The following SYNDIG1 variants were observed in gnomAD, a reference collection of about 807,000 sequenced individuals.
SYNDIG1 encodes synapse differentiation inducing 1.
In SYNDIG1, 9 loss-of-function variants were observed where a neutral mutation model predicts 19.4. The ratio of observed to expected loss-of-function variants is 0.46; its 90% CI spans 0.28 to 0.81. SYNDIG1 has a LOEUF of 0.81. Ranked by LOEUF, SYNDIG1 falls within the 30% of genes least tolerant of loss-of-function variation. The probability of loss-of-function intolerance (pLI) is 0.12; values close to 1 mark genes in which losing one functional copy is unlikely to be tolerated. For missense variants in SYNDIG1, 311 were observed against 343.3 expected (o/e 0.91, Z 0.74); for synonymous variants, 141 against 145.9 (o/e 0.97, Z 0.24).
chr20:24,556,226 T>A (rs1348768742), intron 2 of SYNDIG1, among the ~76,000 whole-genome samples: 1 of 152,224 alleles, frequency 6.6e-6, no homozygotes, highest in African/African-American at 2.4e-5. Flanking sequence ...GTTTCCTGAA[T>A]ACAGCACACT....
chr20:24,569,855 T>G (rs1312334422), intron 2 of SYNDIG1, among the ~76,000 whole-genome samples: 2 of 152,118 alleles, frequency 1.3e-5, no homozygotes, highest in African/African-American at 4.8e-5. Context: ...AATGATAAAG[T>G]TGGTGCGGTA....
chr20:24,637,846 G>A (rs1179996158), intron 3 of SYNDIG1, among the ~76,000 whole-genome samples: 1 of 152,164 alleles, frequency 6.6e-6, no homozygotes, highest in Non-Finnish European at 1.5e-5. Context: ...AGTCTCCCCA[G>A]CCCCAGAACA....
At chr20:24,573,811 G>A (rs757097567) in intron 2 of SYNDIG1, among the ~76,000 whole-genome samples, 3 of 152,182 alleles carry the variant, frequency 2.0e-5, no homozygotes, top group Non-Finnish European at 4.4e-5. Context: ...CTGCCCCAGG[G>A]CAGTAATGGG....
intron 1 of SYNDIG1, among the ~76,000 whole-genome samples, chr20:24,521,251 ACTTCTG>A (rs2056996283): frequency 6.6e-6 from 1 of 152,064 alleles, no homozygotes; most frequent in African/African-American, 2.4e-5. Flanking sequence ...CCTTCTGACT[ACTTCTG>A]CATCATGATG....
chr20:24,478,051 C>T (rs1206899898), intron 1 of SYNDIG1, among the ~76,000 whole-genome samples: 1 of 152,232 alleles, frequency 6.6e-6, no homozygotes, highest in African/African-American at 2.4e-5. Flanking sequence ...AGCCTGGTGC[C>T]TCACCACAGG....
chr20:24,600,904 C>T (rs2058670063), intron 3 of SYNDIG1, among the ~76,000 whole-genome samples: 2 of 152,258 alleles, frequency 1.3e-5, no homozygotes, highest in Admixed American at 6.5e-5. Flanking sequence ...TATGAGCCAC[C>T]ATGCCCAGCC....
Position 24,543,423 on chromosome 20 carries a change from A to C in SYNDIG1, c.326A>C (p.Asp109Ala). Residue 109 changes from aspartate (D) to alanine (A), a missense_variant, in exon 2 of 4, where the codon GAC becomes GCC. Coordinates refer to ENST00000376862, the MANE Select transcript of SYNDIG1 (RefSeq NM_024893.3). The stretch of plus-strand genomic sequence containing the variant: ...TCCTGGGGGGACGGTGTGGCCGCCG[A>C]CTGCTGCGAGACCACCTTCATCGAG... ...LRSWGDGVAA[D>A]CCETTFIEDR... 6.2e-7 allele frequency: 1 copy of C among 1,613,606 alleles called. No individual in the cohort carries two copies. Among genetic ancestry groups the C allele is most frequent in the Non-Finnish European group, 8.5e-7 (1 of 1,180,014 alleles).
chr20:24,585,030 G>T (rs368764837), intron 3 of SYNDIG1, 37 bp downstream of exon 3: 22 of 1,547,918 alleles, frequency 1.4e-5, no homozygotes, highest in African/African-American at 2.8e-5. Flanking sequence ...TGGTGTGCAG[G>T]TGTTCACAGG....
At chr20:24,642,344 G>C (rs1209644544) in intron 3 of SYNDIG1, among the ~76,000 whole-genome samples, 6 of 152,140 alleles carry the variant, frequency 3.9e-5, no homozygotes, top group Non-Finnish European at 5.9e-5. Flanking sequence ...TTGATGTCAA[G>C]CTTGCACCTG....
chr20:24,648,996 G>A (rs905815291), intron 3 of SYNDIG1, among the ~76,000 whole-genome samples: 2 of 152,216 alleles, frequency 1.3e-5, no homozygotes, highest in Non-Finnish European at 2.9e-5. Flanking sequence ...AAAAAGGTGA[G>A]CAAAAAGGTG....
At chr20:24,519,116 C>T (rs1250374949) in intron 1 of SYNDIG1, among the ~76,000 whole-genome samples, 1 of 152,224 alleles carries the variant, frequency 6.6e-6, no homozygotes, top group Non-Finnish European at 1.5e-5. Flanking sequence ...CGCTGATTAA[C>T]TAATTTCAGC....
intron 2 of SYNDIG1, among the ~76,000 whole-genome samples, chr20:24,581,107 G>T (rs2058314988): frequency 6.6e-6 from 1 of 152,076 alleles, no homozygotes; most frequent in African/African-American, 2.4e-5. Context: ...GGCAAAGTGG[G>T]GTTTGTGTGC....
chr20:24,530,138 T>C (rs1311688319), intron 1 of SYNDIG1, among the ~76,000 whole-genome samples: 1 of 116,924 alleles, frequency 8.6e-6, no homozygotes, highest in Non-Finnish European at 1.9e-5. Context: ...AGTGGAGACT[T>C]ACAAAGCTAA....
chr20:24,647,378 G>T lies in SYNDIG1; in HGVS notation c.619-17968G>T, dbSNP rs565796879. On this transcript the variant is annotated intron_variant, in intron 3 of 3. Coordinates refer to ENST00000376862, the MANE Select transcript of SYNDIG1 (RefSeq NM_024893.3). ...CGGCAGAATCGGGGGAATCTGCTTT[G>T]GGTACATATGCCATCAAGTCACGCT... Among the ~76,000 whole-genome samples the T allele has an allele frequency of 1.3e-4, 20 of 152,204 alleles. No homozygotes were observed. The South Asian group carries it at 3.9e-3, about 30-fold the overall frequency.
intron 1 of SYNDIG1, among the ~76,000 whole-genome samples, chr20:24,529,047 A>AT: frequency 6.6e-6 from 1 of 152,182 alleles, no homozygotes; most frequent in East Asian, 1.9e-4. Context: ...GGAAAAAAAA[A>AT]CAGTTTTACC....
chr20:24,541,612 A>G (rs529630271), intron 1 of SYNDIG1, among the ~76,000 whole-genome samples: 25 of 152,160 alleles, frequency 1.6e-4, no homozygotes, highest in Non-Finnish European at 3.1e-4. Context: ...TAAGATGATG[A>G]CACGGGGAAC....
intron 1 of SYNDIG1, among the ~76,000 whole-genome samples, chr20:24,506,639 CTGTGGGCCTAATCTGG>C (rs2056598248): frequency 1.3e-5 from 2 of 152,216 alleles, no homozygotes; most frequent in South Asian, 4.1e-4. Flanking sequence ...AACTGTGGCC[CTGTGGGCCTAATCTGG>C]GATGGGCCAC....
intron 3 of SYNDIG1, among the ~76,000 whole-genome samples, chr20:24,601,639 G>T (rs1168649213): frequency 6.6e-6 from 1 of 152,098 alleles, no homozygotes; most frequent in East Asian, 1.9e-4. Context: ...TATCTTTTCT[G>T]GGGATGGATG....
chr20:24,634,222 T>A (rs2059290527), intron 3 of SYNDIG1, among the ~76,000 whole-genome samples: 1 of 152,242 alleles, frequency 6.6e-6, no homozygotes. Flanking sequence ...TGCAGCTTGC[T>A]TTTTCACATA....
Sources: gnomAD v4.1 joint callset for allele counts (sites outside exome capture counted in the v4.1 genomes callset) on GRCh38, gnomAD v4.1.1 for gene constraint, MANE v1.5 for transcripts, NCBI Gene and HGNC (gene_info 2026-07-23, HGNC 2026-07-21) for gene names.